Variants in HMGXB4 observed in about 807,000 individuals in gnomAD.
The protein encoded by HMGXB4 is HMG-box containing 4, also known as HMG domain-containing protein 4.
Under a neutral mutation model 63.9 loss-of-function variants are expected in HMGXB4, and 27 were observed. The observed-to-expected ratio is 0.42, with a 90% CI of 0.31 to 0.58. The LOEUF is 0.58. Among genes scored for constraint, HMGXB4 ranks in the 20% least tolerant of loss-of-function variants. The pLI, the probability that HMGXB4 is intolerant of heterozygous loss-of-function variation, is 0.13. For synonymous variants in HMGXB4, 264 were observed against 265.3 expected (o/e 0.99, Z 0.05); for missense variants, 624 against 700.7 (o/e 0.89, Z 1.24).
At chr22:35,252,510 C>T (rs1445472537), upstream of HMGXB4, among the ~76,000 whole-genome samples, 1 of 152,226 alleles carries the variant, frequency 6.6e-6, no homozygotes, top group African/African-American at 2.4e-5. Flanking sequence ...GAATAATCTC[C>T]TTCCATGTTG....
intron 5 of HMGXB4, among the ~76,000 whole-genome samples, chr22:35,267,998 C>T (rs1012276691): frequency 7.2e-5 from 11 of 152,294 alleles, no homozygotes; most frequent in African/African-American, 2.6e-4. Context: ...GCAGGAGAAT[C>T]GCTTGAGCCC....
chr22:35,262,757 G>A, intron 2 of HMGXB4: 1 of 518,170 alleles, frequency 1.9e-6, no homozygotes, highest in South Asian at 2.4e-5. Context: ...CACAGCACAT[G>A]AATCCTTATT....
intron 1 of HMGXB4, 119 bp from the exon 2 acceptor site, chr22:35,262,204 C>G: frequency 1.6e-6 from 1 of 644,526 alleles, no homozygotes; most frequent in South Asian, 1.8e-5. Flanking sequence ...TGACAAGACA[C>G]TTTTTATTTC....
chr22:35,249,177 G>GCCCCCTCTTC, the HMGXB4 span, among the ~76,000 whole-genome samples: 50 of 100,974 alleles, frequency 5.0e-4, no homozygotes, highest in East Asian at 1.4e-3. Context: ...TCCTGCCTCG[G>GCCCCCTCTTC]CCTCCTGAGT....
chr22:35,277,499 C>T (rs1253449241), intron 5 of HMGXB4, among the ~76,000 whole-genome samples: 1 of 152,176 alleles, frequency 6.6e-6, no homozygotes, highest in East Asian at 1.9e-4. Context: ...CAGGCACATG[C>T]CACCATGCCT....
intron 5 of HMGXB4, among the ~76,000 whole-genome samples, chr22:35,275,951 A>T (rs1196039855): frequency 6.6e-6 from 1 of 152,232 alleles, no homozygotes; most frequent in African/African-American, 2.4e-5. Context: ...TCCCAGCTGT[A>T]ATCTTGCCAT....
Position 35,263,186 on chromosome 22 carries a change from T to C in HMGXB4, c.140T>C (p.Ile47Thr), listed in dbSNP as rs1387307972. 6.2e-7 allele frequency: 1 copy of C among 1,614,090 alleles called. No individual in the cohort carries two copies. The highest frequency in any genetic ancestry group is 1.3e-5 in the African/African-American group (1 of 75,032). The change falls in exon 3 of 11, where the codon ATT (isoleucine) becomes ACT (threonine). Residue 47 changes from isoleucine to threonine, a missense_variant. By Grantham distance (89) the Ile-to-Thr change is moderately conservative. Transcript: ENST00000216106. ...YKDFLREEEEIAAQVRNSSKK... is the reference protein window; with the variant it reads ...YKDFLREEEETAAQVRNSSKK... The stretch of plus-strand genomic sequence containing the variant: ...GATTTTTTAAGGGAAGAGGAAGAAA[T>C]TGCTGCTCAGGTCAGGAATTCTTCC...
chr22:35,280,672 G>C (rs1924192446), intron 5 of HMGXB4, among the ~76,000 whole-genome samples: 1 of 152,146 alleles, frequency 6.6e-6, no homozygotes, highest in Non-Finnish European at 1.5e-5. Context: ...GGCATCTTCC[G>C]GACAGAATCC....
At chr22:35,272,482 A>T (rs1388348669) in intron 5 of HMGXB4, among the ~76,000 whole-genome samples, 1 of 152,190 alleles carries the variant, frequency 6.6e-6, no homozygotes, top group Non-Finnish European at 1.5e-5. Context: ...CATTCTAAGG[A>T]AGAGTAGAGA....
intron 10 of HMGXB4, 82 bp from the exon 11 acceptor site, chr22:35,293,525 T>C: frequency 4.4e-6 from 4 of 915,870 alleles, no homozygotes; most frequent in Non-Finnish European, 7.1e-6. Flanking sequence ...ATTTTTCTTA[T>C]CTCTCTCCTT....
chr22:35,264,108 C>T, intron 4 of HMGXB4: 1 of 1,469,120 alleles, frequency 6.8e-7, no homozygotes, highest in Non-Finnish European at 9.2e-7. Context: ...TACCAGGTTC[C>T]TTCTCCCCCC....
At chr22:35,258,285 TA>T (rs1399385026) in intron 1 of HMGXB4, 1 of 152,210 alleles carries the variant, frequency 6.6e-6, no homozygotes, top group Non-Finnish European at 1.5e-5. Flanking sequence ...CACCAACTAC[TA>T]CTTGTAGATT....
At chr22:35,292,223 C>G (rs933827486) in intron 9 of HMGXB4, among the ~76,000 whole-genome samples, 4 of 152,172 alleles carry the variant, frequency 2.6e-5, no homozygotes, top group Non-Finnish European at 1.5e-5. Flanking sequence ...TCTATTATCT[C>G]AATCCCATCT....
chr22:35,257,903 C>G (rs1016860382), intron 1 of HMGXB4, among the ~76,000 whole-genome samples: 4 of 152,014 alleles, frequency 2.6e-5, no homozygotes, highest in African/African-American at 9.7e-5. Context: ...TCGGGGGCGC[C>G]GTGAGGCCGC....
chr22:35,242,829 T>G, the HMGXB4 span, among the ~76,000 whole-genome samples: 130 of 152,242 alleles, frequency 8.5e-4, 2 homozygotes, highest in Non-Finnish European at 1.3e-3. Flanking sequence ...TTCATTTTCA[T>G]TCAGTTTAAG....
Position 35,287,305 on chromosome 22 carries a change from G to C in HMGXB4, c.1363-42G>C, listed in dbSNP as rs753984907. On this transcript the variant is annotated intron_variant, in intron 7 of 10. Transcript: ENST00000216106. ...ATGACTGCTTTTCCTTTTACATTTT[G>C]TCCTTCTTAATTTAATTTAATGTTC... The C allele has an allele frequency of 2.1e-6, 3 of 1,448,054 alleles. No individual in the cohort carries two copies. The African/African-American group carries it at 4.3e-5, about 21-fold the overall frequency. The allele number at this position is 1,448,054 out of a possible 1,614,324, so 89.7% of individuals were successfully genotyped here. A position where few individuals can be genotyped will look rare whatever the true frequency, so the allele number is the denominator to read the frequency against.
chr22:35,278,877 CAAAAAA>C (rs35984118), intron 5 of HMGXB4, among the ~76,000 whole-genome samples: 7 of 108,456 alleles, frequency 6.5e-5, no homozygotes, highest in Admixed American at 9.3e-5. Flanking sequence ...TGCATCTCTA[CAAAAAA>C]AAAAAAAAAA....
At chr22:35,262,529 T>A (rs1922928215) in intron 2 of HMGXB4, 108 bp downstream of exon 2, 2 of 1,142,930 alleles carry the variant, frequency 1.7e-6, no homozygotes, top group Admixed American at 3.4e-5. Flanking sequence ...GACTCCCAAG[T>A]GATGGTCCAG....
At chr22:35,242,949 T>C in the HMGXB4 span, among the ~76,000 whole-genome samples, 3 of 152,230 alleles carry the variant, frequency 2.0e-5, no homozygotes, top group African/African-American at 4.8e-5. Flanking sequence ...CTATTATTAA[T>C]TTCTAGTTTG....
Sources: allele counts gnomAD v4.1 joint callset (sites outside exome capture counted in the v4.1 genomes callset), GRCh38; gene constraint gnomAD v4.1.1; transcripts MANE v1.5; gene names NCBI Gene and HGNC (gene_info 2026-07-23, HGNC 2026-07-21).